The following DEPDC7 variants were observed in gnomAD, a reference collection of about 807,000 sequenced individuals.
DEPDC7 encodes DEP domain containing 7.
DEPDC7 carries 41 observed loss-of-function variants against 56.6 expected under a neutral mutation model. That is an observed-to-expected ratio of 0.72 (90% confidence interval 0.56 to 0.94). The LOEUF (loss-of-function observed/expected upper bound fraction) is 0.94, where lower values mean the gene tolerates loss of function less well. Among genes scored for constraint, DEPDC7 ranks in the 40% least tolerant of loss-of-function variants. DEPDC7 has a pLI of 0.00. For synonymous variants in DEPDC7, 185 were observed against 208.8 expected, an observed-to-expected ratio of 0.89 and a Z score of 0.98; for missense variants, 522 against 596.3, an observed-to-expected ratio of 0.88 and a Z score of 1.30.
intron 1 of DEPDC7, among the ~76,000 whole-genome samples, chr11:33,020,706 T>C (rs1366046048): frequency 6.6e-6 from 1 of 152,210 alleles, no homozygotes; most frequent in Non-Finnish European, 1.5e-5. Flanking sequence ...GGTGCGATCC[T>C]AGCCCACTGT....
chr11:33,028,482 T>C (rs1412316971), intron 3 of DEPDC7, 121 bp from the exon 4 acceptor site: 3 of 731,916 alleles, frequency 4.1e-6, no homozygotes, highest in African/African-American at 3.6e-5. Context: ...CTTCGTAAGG[T>C]TGACTTTTTC....
At chr11:33,021,737 C>T (rs2133659404) in intron 1 of DEPDC7, among the ~76,000 whole-genome samples, 1 of 152,232 alleles carries the variant, frequency 6.6e-6, no homozygotes, top group South Asian at 2.1e-4. Context: ...CAGAGGGGAC[C>T]TGTGAGGGCT....
chr11:33,023,097 C>T (rs534375680), intron 1 of DEPDC7, among the ~76,000 whole-genome samples: 20 of 151,804 alleles, frequency 1.3e-4, no homozygotes, highest in Middle Eastern at 3.4e-3. Flanking sequence ...GGCGTGGTGG[C>T]GGGCACCTGT....
rs571268775 is a variant in DEPDC7 at position 33,033,032 on chromosome 11, T to C, written c.1342+65T>C. The C allele has an allele frequency of 9.5e-5, 126 of 1,329,718 alleles. No homozygotes were observed. The African/African-American group carries it at 1.7e-3, about 18-fold the overall frequency. 82.4% of individuals were successfully genotyped at this position (1,329,718 alleles called of 1,614,324 possible). A position where few individuals can be genotyped will look rare whatever the true frequency, so the allele number is the denominator to read the frequency against. Reference sequence around the variant, plus strand: ...AAATTTCAGGTGTTTTTTGAAAATGTTTTGCTATAAGTAGTTGGACTTTAA... The same window carrying C: ...AAATTTCAGGTGTTTTTTGAAAATGCTTTGCTATAAGTAGTTGGACTTTAA... On this transcript the variant is annotated intron_variant, in intron 8 of 8. Transcript: ENST00000241051.
intron 1 of DEPDC7, chr11:33,016,667 A>G (rs765587884): frequency 1.2e-5 from 18 of 1,489,118 alleles, no homozygotes; most frequent in Non-Finnish European, 1.6e-5. Context: ...TGAAATTAGG[A>G]GGGAAGTTGG....
chr11:33,021,533 T>C (rs572861353), intron 1 of DEPDC7, among the ~76,000 whole-genome samples: 42 of 152,322 alleles, frequency 2.8e-4, no homozygotes, highest in African/African-American at 1.0e-3. Flanking sequence ...TTTCAAACCA[T>C]ATATGTTCAG....
chr11:33,028,401 C>T (rs182558997), intron 3 of DEPDC7: 3 of 441,064 alleles, frequency 6.8e-6, no homozygotes, highest in East Asian at 3.4e-5. Flanking sequence ...AAAAGAATTC[C>T]TGTTGTCCAA....
rs1853602734 is a variant in DEPDC7, at chr11:33,028,682, G to A, written c.672G>A (p.Leu224=). Residue 224 remains leucine (L), a synonymous_variant, in exon 4 of 9, where the codon CTG becomes CTA. Coordinates refer to ENST00000241051, the MANE Select transcript of DEPDC7 (RefSeq NM_001077242.2). ...ACCTTCCACTTCTTGACTCCTTACT[G>A]AAACAGCAAGAGGCTGTACCTAAAA... ...LVDLPLLDSL[L]KQQEAVPKIP... 2 of 1,613,904 alleles carry A rather than the reference G, an allele frequency of 1.2e-6. No individual in the cohort carries two copies. The highest frequency in any genetic ancestry group is 1.7e-6 in the Non-Finnish European group (2 of 1,179,950).
intron 8 of DEPDC7, 67 bp from the exon 9 acceptor site, chr11:33,033,195 C>T: frequency 8.0e-7 from 1 of 1,243,554 alleles, no homozygotes; most frequent in Non-Finnish European, 1.1e-6. Context: ...AAGAATATTG[C>T]TTGATTTTTC....
intron 4 of DEPDC7, among the ~76,000 whole-genome samples, chr11:33,031,030 C>T (rs1055644658): frequency 6.6e-6 from 1 of 152,220 alleles, no homozygotes; most frequent in Admixed American, 6.5e-5. Context: ...CTAGTCCTGC[C>T]TGAGGCCTGA....
At chr11:33,019,781 C>A (rs1168961061) in intron 1 of DEPDC7, among the ~76,000 whole-genome samples, 1 of 151,958 alleles carries the variant, frequency 6.6e-6, no homozygotes, top group Non-Finnish European at 1.5e-5. Context: ...ATAATTTAAA[C>A]CTCTGTAAAC....
intron 1 of DEPDC7, among the ~76,000 whole-genome samples, chr11:33,019,154 A>G (rs528658851): frequency 1.3e-5 from 2 of 152,310 alleles, no homozygotes; most frequent in African/African-American, 4.8e-5. Flanking sequence ...ATGTCTGAAC[A>G]GTATTCAGTC....
intron 1 of DEPDC7, among the ~76,000 whole-genome samples, chr11:33,022,852 G>A (rs1362807141): frequency 1.3e-5 from 2 of 152,136 alleles, no homozygotes; most frequent in African/African-American, 4.8e-5. Context: ...CCATAATTCA[G>A]TTCCTGAAAT....
rs111687548 is a variant in DEPDC7, at chr11:33,026,773, T to TTTTTC, written c.464+744_464+748dup. 214 of 146,676 alleles carry TTTTTC rather than the reference T, an allele frequency of 1.5e-3. 1 individual carries two copies. The highest frequency in any genetic ancestry group is 0.013 in the East Asian group (68 of 5,048). The allele number at this position is 146,676 out of a possible 1,614,324, so 9.1% of individuals were successfully genotyped here. Reference sequence around the variant, plus strand: ...TTGCACCACCATGCCTGGCTAATTTTTTTTCTTTTCTTTTCTTTTCTTTTT... The same window carrying TTTTTC: ...TTGCACCACCATGCCTGGCTAATTTTTTTTCTTTTCTTTTCTTTTCTTTTCTTTTT... On this transcript the variant is annotated intron_variant, in intron 2 of 8. Coordinates refer to ENST00000241051, the MANE Select transcript of DEPDC7 (RefSeq NM_001077242.2).
At chr11:33,031,698 G>T in intron 5 of DEPDC7, 109 bp downstream of exon 5, 1 of 835,926 alleles carries the variant, frequency 1.2e-6, no homozygotes, top group Non-Finnish European at 1.9e-6. Context: ...GAGTGGATCT[G>T]GATTAATTCA....
chr11:33,016,217 C>T (rs1853458512), intron 1 of DEPDC7, 189 bp downstream of exon 1: 1 of 1,298,088 alleles, frequency 7.7e-7, no homozygotes, highest in Non-Finnish European at 9.7e-7. Flanking sequence ...GAGTTCCTCT[C>T]TGGCTGGTGG....
chr11:33,022,632 G>A (rs891158229), intron 1 of DEPDC7, among the ~76,000 whole-genome samples: 20 of 152,064 alleles, frequency 1.3e-4, no homozygotes, highest in African/African-American at 4.6e-4. Flanking sequence ...ATAATCTCTG[G>A]TATTTTAGGA....
At position 33,033,171 on chromosome 11, in the gene DEPDC7, A is replaced by G. The variant is rs1014381016; in HGVS notation, c.1343-91A>G. ...CAGTGCATATTACAAAATGGGGAAG[A>G]AAAACATAAAGACAAGAATATTGCT... On this transcript the variant is annotated intron_variant, in intron 8 of 8. Transcript: ENST00000241051. 7 of 1,107,582 alleles carry G rather than the reference A, an allele frequency of 6.3e-6. No homozygotes were observed. In the African/African-American group the frequency reaches 7.9e-5, roughly 13 times the overall value. The allele number at this position is 1,107,582 out of a possible 1,614,324, so 68.6% of individuals were successfully genotyped here. A position where few individuals can be genotyped will look rare whatever the true frequency, so the allele number is the denominator to read the frequency against.
At chr11:33,016,585 G>T (rs539823514) in intron 1 of DEPDC7, 108 of 1,613,776 alleles carry the variant, frequency 6.7e-5, no homozygotes, top group Non-Finnish European at 8.6e-5. Context: ...TGGCATAAAA[G>T]GTATTTATTA....
Sources: allele counts gnomAD v4.1 joint callset (sites outside exome capture counted in the v4.1 genomes callset), GRCh38; gene constraint gnomAD v4.1.1; transcripts MANE v1.5; gene names NCBI Gene and HGNC (gene_info 2026-07-23, HGNC 2026-07-21).